ACSM3: variants seen among roughly 807,000 people sequenced by gnomAD.
ACSM3 encodes the protein acyl-CoA synthetase medium chain family member 3.
ACSM3 carries 61 observed loss-of-function variants against 74.1 expected under a neutral mutation model. The ratio of observed to expected loss-of-function variants is 0.82; its 90% CI spans 0.67 to 1.02. The LOEUF is 1.02. ACSM3 is among the 50% of genes least tolerant of loss of function. ACSM3 has a pLI of 0.00. For synonymous variants in ACSM3, 213 were observed against 241.5 expected, an observed-to-expected ratio of 0.88 and a Z score of 1.09; for missense variants, 660 against 697.0, an observed-to-expected ratio of 0.95 and a Z score of 0.60.
At chr16:20,735,435 T>C (rs903187429) in intron 1 of ACSM3, 6 of 152,010 alleles carry the variant, frequency 3.9e-5, no homozygotes, top group African/African-American at 1.4e-4. Flanking sequence ...TAACCAGTTT[T>C]GTAACATTAT....
chr16:20,738,727 C>T (rs1214211196), intron 1 of ACSM3: 4 of 706,618 alleles, frequency 5.7e-6, no homozygotes, highest in Non-Finnish European at 9.4e-6. Flanking sequence ...GCTACGTCCA[C>T]CACCCCATTC....
chr16:20,742,353 G>T (rs924619989), intron 1 of ACSM3, among the ~76,000 whole-genome samples: 1 of 152,068 alleles, frequency 6.6e-6, no homozygotes, highest in Admixed American at 6.5e-5. Flanking sequence ...GCCAATCAAC[G>T]CATTACAAAA....
At position 20,796,132 on chromosome 16, in the gene ACSM3, C is replaced by T. The variant is rs530468968; in HGVS notation, c.1555-238C>T. 1.3e-4 allele frequency: 68 copies of T among 512,784 alleles called. 1 individual carries two copies. Among genetic ancestry groups the T allele is most frequent in the African/African-American group, 1.2e-3 (62 of 51,766 alleles). The allele number at this position is 512,784 out of a possible 1,614,324, so 31.8% of individuals were successfully genotyped here. The stretch of plus-strand genomic sequence containing the variant: ...CGTGACTACTGTTTATAAGTAATCC[C>T]CCATGCTGAGGGCTAGGCTGGATGA... On this transcript the variant is annotated intron_variant, in intron 12 of 13. Transcript: ENST00000289416.
chr16:20,795,241 G>C (rs1234859125), intron 12 of ACSM3, among the ~76,000 whole-genome samples: 1 of 151,986 alleles, frequency 6.6e-6, no homozygotes, highest in Non-Finnish European at 1.5e-5. Flanking sequence ...GTCTGCTCTC[G>C]AACTCCTGGG....
Position 20,737,457 on chromosome 16 carries a change from CT to C in ACSM3, c.-189-12452del, listed in dbSNP as rs1466224366. Among the ~76,000 whole-genome samples the C allele has an allele frequency of 3.3e-5, 5 of 152,210 alleles. No homozygotes were observed. In the East Asian group the frequency reaches 9.6e-4, roughly 29 times the overall value. Reference sequence around the variant, plus strand: ...ACAATAAATAAACACAAATGAAACCCTACAACATTTAATAAGAATTTTTTTC... The same window carrying C: ...ACAATAAATAAACACAAATGAAACCCACAACATTTAATAAGAATTTTTTTC... On this transcript the variant is annotated intron_variant, in intron 1 of 3. Transcript: ENST00000561584.
At position 20,712,464 on chromosome 16, in the gene ACSM3, A is replaced by G. The variant is rs78579639; in HGVS notation, c.-189-37446A>G. 4.7e-3 allele frequency among the ~76,000 whole-genome samples: 720 copies of G among 152,326 alleles called. 6 individuals carry two copies. The highest frequency in any genetic ancestry group is 0.017 in the African/African-American group (686 of 41,560). On this transcript the variant is annotated intron_variant, in intron 1 of 3. Coordinates refer to the ACSM3 transcript ENST00000561584. Reference sequence around the variant, plus strand: ...TACAGTTTTCTTCATATGTAAAATGAGGATAATTATACTGTACATATCTCT... The same window carrying G: ...TACAGTTTTCTTCATATGTAAAATGGGGATAATTATACTGTACATATCTCT...
chr16:20,703,584 T>C (rs1417569371), intron 1 of ACSM3: 1 of 152,170 alleles, frequency 6.6e-6, no homozygotes, highest in East Asian at 1.9e-4. Context: ...TTCAGTGGCA[T>C]GATCTCAGCT....
intron 1 of ACSM3, among the ~76,000 whole-genome samples, chr16:20,748,745 T>G (rs2079969180): frequency 6.6e-6 from 1 of 152,168 alleles, no homozygotes; most frequent in Admixed American, 6.5e-5. Context: ...CTATTATATC[T>G]AAACATGTTA....
rs115580433 is a variant in ACSM3, at chr16:20,768,376, T to C, written c.-51-1608T>C. Among the ~76,000 whole-genome samples, 364 of 152,306 alleles carry C rather than the reference T, an allele frequency of 2.4e-3. 1 individual carries two copies. The highest frequency in any genetic ancestry group is 8.2e-3 in the African/African-American group (339 of 41,556). ...GGTGCTTTTCACACTTGAATGTACATACCAGTCACCTGGGATCTTGTTAAA... is the reference window on the plus strand; with the variant it reads ...GGTGCTTTTCACACTTGAATGTACACACCAGTCACCTGGGATCTTGTTAAA... On this transcript the variant is annotated intron_variant, in intron 1 of 13. Transcript: ENST00000289416.
intron 4 of ACSM3, among the ~76,000 whole-genome samples, chr16:20,779,549 A>G (rs2152465734): frequency 6.6e-6 from 1 of 152,192 alleles, no homozygotes; most frequent in South Asian, 2.1e-4. Context: ...GTCTGTGTGC[A>G]TCTTAGACAC....
chr16:20,738,080 G>T (rs1190018424), intron 1 of ACSM3: 6 of 889,734 alleles, frequency 6.7e-6, no homozygotes, highest in Non-Finnish European at 8.7e-6. Context: ...AATTTTAAAT[G>T]AATCTACCTA....
At chr16:20,716,971 C>G (rs115707081) in intron 1 of ACSM3, among the ~76,000 whole-genome samples, 1 of 152,050 alleles carries the variant, frequency 6.6e-6, no homozygotes, top group Non-Finnish European at 1.5e-5. Flanking sequence ...CAAATACAAG[C>G]GACTAAAACA....
upstream of ACSM3, among the ~76,000 whole-genome samples, chr16:20,762,300 C>G (rs927704101): frequency 2.6e-5 from 4 of 151,534 alleles, no homozygotes; most frequent in Non-Finnish European, 5.9e-5. Context: ...TTCCCTGTCT[C>G]TAATAATGAG....
rs1330917730 is a variant in ACSM3, at chr16:20,785,078, A to G, written c.1114A>G (p.Ile372Val). The G allele has an allele frequency of 6.2e-7, 1 of 1,613,610 alleles. No homozygotes were observed. The highest frequency in any genetic ancestry group is 1.1e-5 in the South Asian group (1 of 91,076). ...ATGGAGAAACAAGACGGGCCTGGATATCTACGAAGGATATGGACAGACTGA... is the reference window on the plus strand; with the variant it reads ...ATGGAGAAACAAGACGGGCCTGGATGTCTACGAAGGATATGGACAGACTGA... ...EKWRNKTGLD[I>V]YEGYGQTETV... Residue 372 changes from isoleucine (I) to valine (V), a missense_variant, in exon 8 of 14, where the codon ATC becomes GTC. By Grantham distance (29) the Ile-to-Val change is conservative. Transcript: ENST00000289416.
chr16:20,777,261 AACTG>A, intron 3 of ACSM3, 108 bp from the exon 4 acceptor site: 4 of 1,001,442 alleles, frequency 4.0e-6, no homozygotes, highest in East Asian at 2.6e-5. Context: ...CTTCCTGGTA[AACTG>A]ACTAACTCAC....
Position 20,770,156 on chromosome 16 carries a change from C to T in ACSM3, c.122C>T (p.Ser41Phe). Residue 41 changes from serine to phenylalanine, a missense_variant, in exon 2 of 14, where the codon TCC (serine) becomes TTC (phenylalanine). Transcript: ENST00000289416. ...DNRTATPQNF[S>F]NYESMKQDFK... ...AGAACAGCAACCCCTCAGAATTTCT[C>T]CAACTATGAATCCATGAAACAGGAC... 6.2e-7 allele frequency: 1 copy of T among 1,614,098 alleles called. No individual in the cohort carries two copies. Among genetic ancestry groups the T allele is most frequent in the East Asian group, 2.2e-5 (1 of 44,886 alleles).
rs1376904442 is a variant in ACSM3 at position 20,776,011 on chromosome 16, C to CA, written c.393dup (p.Glu132ArgfsTer44). The CA allele has an allele frequency of 6.2e-7, 1 of 1,614,144 alleles. No homozygotes were observed. Among genetic ancestry groups the CA allele is most frequent in the Admixed American group, 1.7e-5 (1 of 60,032 alleles). ...GTAATTCTGATTCTGCCCAGGGTCCCAGAGTGGTGGCTTGCAAATGTGGCC... is the reference window on the plus strand; with the variant it reads ...GTAATTCTGATTCTGCCCAGGGTCCCAAGAGTGGTGGCTTGCAAATGTGGCC... On this transcript the variant is annotated frameshift_variant, in exon 3 of 14. Coordinates refer to ENST00000289416, the MANE Select transcript of ACSM3 (RefSeq NM_005622.4). LOFTEE classifies it high-confidence loss of function.
intron 1 of ACSM3, chr16:20,729,477 T>A: frequency 3.0e-6 from 2 of 660,780 alleles, no homozygotes; most frequent in South Asian, 1.7e-5. Flanking sequence ...CCATTTGAAG[T>A]GGAGAGTGTG....
intron 3 of ACSM3, among the ~76,000 whole-genome samples, chr16:20,776,876 A>G (rs2080262503): frequency 6.6e-6 from 1 of 152,192 alleles, no homozygotes; most frequent in African/African-American, 2.4e-5. Context: ...TCATAAAGCA[A>G]TCATGTACAT....
Sources: gnomAD v4.1 joint callset for allele counts (sites outside exome capture counted in the v4.1 genomes callset) on GRCh38, gnomAD v4.1.1 for gene constraint, MANE v1.5 for transcripts, NCBI Gene and HGNC (gene_info 2026-07-23, HGNC 2026-07-21) for gene names.